Variants in FAM227B observed in about 807,000 individuals in gnomAD.
FAM227B encodes the protein family with sequence similarity 227 member B, also known as protein FAM227B.
In FAM227B, 88 loss-of-function variants were observed where a neutral mutation model predicts 73.8. That is an observed-to-expected ratio of 1.19 (90% CI 1.00 to 1.42). FAM227B has a LOEUF of 1.42. Ranked by LOEUF, FAM227B falls within the 40% of genes most tolerant of loss-of-function variation. The probability of loss-of-function intolerance (pLI) is 0.00; values close to 1 mark genes in which losing one functional copy is unlikely to be tolerated. For synonymous variants in FAM227B, 210 were observed against 190.5 expected, an observed-to-expected ratio of 1.10 and a Z score of -0.84; for missense variants, 632 against 590.9, an observed-to-expected ratio of 1.07 and a Z score of -0.72.
At chr15:49,529,352 A>T (rs1234803620) in intron 10 of FAM227B, among the ~76,000 whole-genome samples, 1 of 151,666 alleles carries the variant, frequency 6.6e-6, no homozygotes, top group Non-Finnish European at 1.5e-5. Context: ...CAGAGTTAAA[A>T]AATGAACTAT....
chr15:49,529,261 C>A (rs767684076), intron 10 of FAM227B, among the ~76,000 whole-genome samples: 1 of 151,304 alleles, frequency 6.6e-6, no homozygotes, highest in East Asian at 1.9e-4. Flanking sequence ...TAAGTGGGAA[C>A]TAAACAATGG....
At chr15:49,576,601 C>T in intron 7 of FAM227B, 140 bp downstream of exon 7, 1 of 605,078 alleles carries the variant, frequency 1.7e-6, no homozygotes, top group Non-Finnish European at 2.9e-6. Context: ...AGACACATCA[C>T]TGGTCTTTCC....
At chr15:49,503,587 C>T (rs2058329165) in intron 11 of FAM227B, among the ~76,000 whole-genome samples, 2 of 152,012 alleles carry the variant, frequency 1.3e-5, no homozygotes, top group Admixed American at 1.3e-4. Flanking sequence ...AAGAAAAAAA[C>T]AAACAACCCC....
intron 13 of FAM227B, chr15:49,366,580 A>G: frequency 1.9e-6 from 3 of 1,599,426 alleles, no homozygotes; most frequent in Non-Finnish European, 2.6e-6. Context: ...TGGATGTGCC[A>G]TTTCCAGACG....
chr15:49,401,174 T>C (rs2048113337), intron 11 of FAM227B, among the ~76,000 whole-genome samples: 1 of 152,026 alleles, frequency 6.6e-6, no homozygotes, highest in Admixed American at 6.6e-5. Flanking sequence ...AACAACCCCA[T>C]CAAAAAGTGG....
chr15:49,373,767 C>G (rs1304037137), intron 11 of FAM227B, among the ~76,000 whole-genome samples: 1 of 152,060 alleles, frequency 6.6e-6, no homozygotes, highest in Non-Finnish European at 1.5e-5. Context: ...TCCTGAAATG[C>G]AAATAACTCC....
chr15:49,332,553 T>C (rs1302749712), intron 14 of FAM227B, among the ~76,000 whole-genome samples: 1 of 151,938 alleles, frequency 6.6e-6, no homozygotes, highest in Non-Finnish European at 1.5e-5. Flanking sequence ...GGAGAAGCAA[T>C]GGTAGCTAGG....
chr15:49,455,287 C>T (rs568507498), intron 11 of FAM227B, among the ~76,000 whole-genome samples: 5 of 152,134 alleles, frequency 3.3e-5, no homozygotes, highest in Admixed American at 6.5e-5. Flanking sequence ...TAATGTATAG[C>T]GCTTATATTT....
At chr15:49,553,997 C>G (rs1417810938) in intron 9 of FAM227B, among the ~76,000 whole-genome samples, 1 of 152,148 alleles carries the variant, frequency 6.6e-6, no homozygotes, top group African/African-American at 2.4e-5. Context: ...CTCAAGGGCT[C>G]TTCAGTTAGC....
chr15:49,582,612 A>G lies in FAM227B; in HGVS notation c.406-4948T>C, dbSNP rs868153839. The stretch of plus-strand genomic sequence containing the variant: ...ACAAAGCTATTCAGGACCTAAACCC[A>G]GCACTGGGTCAAACGGACCTGGCAG... On this transcript the variant is annotated intron_variant, in intron 5 of 15. Transcript: ENST00000299338. Among the ~76,000 whole-genome samples, 9 of 152,202 alleles carry G rather than the reference A, an allele frequency of 5.9e-5. No homozygotes were observed. In the South Asian group the frequency reaches 1.4e-3, roughly 24 times the overall value.
At chr15:49,514,056 T>A (rs1003361201) in intron 10 of FAM227B, among the ~76,000 whole-genome samples, 5 of 152,232 alleles carry the variant, frequency 3.3e-5, no homozygotes, top group Non-Finnish European at 5.9e-5. Flanking sequence ...TTCTTTTTGC[T>A]TAGGAAGGCC....
chr15:49,359,390 A>C (rs1206856658), intron 13 of FAM227B, among the ~76,000 whole-genome samples: 1 of 119,726 alleles, frequency 8.4e-6, no homozygotes, highest in African/African-American at 3.2e-5. Flanking sequence ...ACAAATTTAC[A>C]AGAAAAAAAC....
At chr15:49,591,484 C>CTTTTTTTT (rs71120696) in intron 3 of FAM227B, among the ~76,000 whole-genome samples, 1 of 55,410 alleles carries the variant, frequency 1.8e-5, no homozygotes, top group Non-Finnish European at 3.4e-5. Flanking sequence ...CCCTTCCTTC[C>CTTTTTTTT]TTTTTTTTTT....
chr15:49,550,225 C>T (rs2072706582), intron 9 of FAM227B, among the ~76,000 whole-genome samples: 1 of 147,700 alleles, frequency 6.8e-6, no homozygotes, highest in African/African-American at 2.5e-5. Context: ...CCCCACCTCC[C>T]TCCCTGACGG....
chr15:49,551,462 A>C (rs910358936), intron 9 of FAM227B, among the ~76,000 whole-genome samples: 2 of 151,904 alleles, frequency 1.3e-5, no homozygotes, highest in African/African-American at 4.8e-5. Flanking sequence ...ACTTTTCTTC[A>C]TATCTTTATT....
chr15:49,401,657 A>T (rs2151634264), intron 11 of FAM227B, among the ~76,000 whole-genome samples: 1 of 130,128 alleles, frequency 7.7e-6, no homozygotes, highest in Middle Eastern at 3.8e-3. Context: ...TACACCATGG[A>T]ATACTATGCA....
intron 11 of FAM227B, among the ~76,000 whole-genome samples, chr15:49,505,902 T>C (rs1420506689): frequency 6.6e-6 from 1 of 151,944 alleles, no homozygotes; most frequent in Non-Finnish European, 1.5e-5. Context: ...ACAAAAAGTA[T>C]ATAAGAATAT....
chr15:49,565,014 A>C (rs2074534214), intron 9 of FAM227B, among the ~76,000 whole-genome samples: 1 of 152,148 alleles, frequency 6.6e-6, no homozygotes, highest in Non-Finnish European at 1.5e-5. Context: ...CATAGCAATA[A>C]AAAGTATATT....
chr15:49,601,325 C>G (rs1790275072), intron 3 of FAM227B, among the ~76,000 whole-genome samples: 1 of 151,714 alleles, frequency 6.6e-6, no homozygotes, highest in African/African-American at 2.4e-5. Context: ...ATAAGGCTTA[C>G]ATAAAACATC....
Sources: allele counts gnomAD v4.1 joint callset (sites outside exome capture counted in the v4.1 genomes callset), GRCh38; gene constraint gnomAD v4.1.1; transcripts MANE v1.5; gene names NCBI Gene and HGNC (gene_info 2026-07-23, HGNC 2026-07-21).